The following DAB1 variants were observed in gnomAD, a reference collection of about 807,000 sequenced individuals.
DAB1 encodes the protein disabled homolog 1.
A neutral mutation model predicts 64.6 loss-of-function variants in DAB1; 15 were observed. The observed-to-expected ratio is 0.23, with a 90% CI of 0.16 to 0.36. The LOEUF (loss-of-function observed/expected upper bound fraction) is 0.36, where lower values mean the gene tolerates loss of function less well. Among genes scored for constraint, DAB1 ranks in the 10% least tolerant of loss-of-function variants. The probability of loss-of-function intolerance (pLI) is 1.00; values close to 1 mark genes in which losing one functional copy is unlikely to be tolerated. For missense variants in DAB1, 596 were observed against 706.7 expected (o/e 0.84, Z 1.78); for synonymous variants, 235 against 251.9 (o/e 0.93, Z 0.64).
At chr1:57,983,512 T>C (rs899338871) in intron 5 of DAB1, among the ~76,000 whole-genome samples, 22 of 152,084 alleles carry the variant, frequency 1.4e-4, no homozygotes, top group Admixed American at 1.4e-3. Flanking sequence ...AGGACCCACA[T>C]GAATGCTAAA....
At chr1:57,356,143 T>C (rs1002303481) in intron 1 of DAB1, among the ~76,000 whole-genome samples, 1 of 152,102 alleles carries the variant, frequency 6.6e-6, no homozygotes, top group Non-Finnish European at 1.5e-5. Flanking sequence ...GTTTAGCACA[T>C]AGTAGTCAGT....
chr1:57,486,630 T>G (rs1644095087), intron 7 of DAB1, among the ~76,000 whole-genome samples: 1 of 152,160 alleles, frequency 6.6e-6, no homozygotes, highest in African/African-American at 2.4e-5. Flanking sequence ...GAGATATATG[T>G]TTTTTTAGTT....
chr1:57,359,062 C>T (rs1679346599), intron 1 of DAB1, among the ~76,000 whole-genome samples: 1 of 151,950 alleles, frequency 6.6e-6, no homozygotes, highest in Admixed American at 6.6e-5. Flanking sequence ...TGGATAAGAT[C>T]TCAAGAGCAT....
chr1:58,421,921 C>A (rs749684425), intron 3 of DAB1, among the ~76,000 whole-genome samples: 1 of 152,064 alleles, frequency 6.6e-6, no homozygotes, highest in African/African-American at 2.4e-5. Context: ...CAGCCACTTA[C>A]TAGGCACATG....
At chr1:57,072,223 C>T (rs1340491515) in intron 5 of DAB1, 60 bp downstream of exon 5, 3 of 1,595,756 alleles carry the variant, frequency 1.9e-6, no homozygotes, top group African/African-American at 2.7e-5. Context: ...CCAACGGAGT[C>T]ACTGGACTGT....
intron 9 of DAB1, among the ~76,000 whole-genome samples, chr1:57,028,571 A>G (rs1646865133): frequency 6.6e-6 from 1 of 152,198 alleles, no homozygotes; most frequent in Admixed American, 6.5e-5. Flanking sequence ...AATGTGAGAA[A>G]GTTTGGAACT....
At chr1:58,542,182 C>T (rs1307422288) in intron 1 of DAB1, among the ~76,000 whole-genome samples, 1 of 152,134 alleles carries the variant, frequency 6.6e-6, no homozygotes, top group African/African-American at 2.4e-5. Context: ...TGAAATACAA[C>T]CAATTTTAAA....
chr1:57,153,646 GT>G (rs1659919887), intron 2 of DAB1, among the ~76,000 whole-genome samples: 1 of 151,100 alleles, frequency 6.6e-6, no homozygotes, highest in African/African-American at 2.4e-5. Flanking sequence ...TTGTTTGTTT[GT>G]TTGTTTTTGA....
chr1:57,679,981 T>A (rs899240507), intron 6 of DAB1, among the ~76,000 whole-genome samples: 2 of 152,200 alleles, frequency 1.3e-5, no homozygotes, highest in African/African-American at 4.8e-5. Flanking sequence ...ACATAGCTTG[T>A]AAATAGGTGA....
At chr1:57,416,149 T>C (rs1684475471) in intron 1 of DAB1, among the ~76,000 whole-genome samples, 1 of 152,192 alleles carries the variant, frequency 6.6e-6, no homozygotes, top group Non-Finnish European at 1.5e-5. Context: ...CCATTCACTC[T>C]ACATGTTGAC....
At chr1:58,126,347 C>A (rs1464510661) in intron 5 of DAB1, among the ~76,000 whole-genome samples, 2 of 152,160 alleles carry the variant, frequency 1.3e-5, no homozygotes, top group African/African-American at 2.4e-5. Context: ...TAGGGGGAAA[C>A]CCTTTGAGGC....
chr1:57,415,451 T>C (rs1011926865), intron 1 of DAB1, among the ~76,000 whole-genome samples: 1 of 152,172 alleles, frequency 6.6e-6, no homozygotes, highest in African/African-American at 2.4e-5. Context: ...ATTGATAAAT[T>C]CAACTACGTT....
chr1:57,031,553 C>T (rs1348179020), intron 9 of DAB1, among the ~76,000 whole-genome samples: 2 of 152,224 alleles, frequency 1.3e-5, no homozygotes, highest in Non-Finnish European at 2.9e-5. Flanking sequence ...CACAGATGAA[C>T]TAGCTGAGGC....
chr1:57,766,361 C>T (rs529925431), intron 6 of DAB1, among the ~76,000 whole-genome samples: 1 of 151,866 alleles, frequency 6.6e-6, no homozygotes, highest in African/African-American at 2.4e-5. Flanking sequence ...CCCTTGATTT[C>T]TTCTTATCTC....
intron 6 of DAB1, among the ~76,000 whole-genome samples, chr1:57,751,246 G>A (rs1281877314): frequency 2.0e-5 from 3 of 152,124 alleles, no homozygotes; most frequent in South Asian, 4.1e-4. Context: ...ACTAGGAACT[G>A]TGAAGGGCAT....
intron 9 of DAB1, among the ~76,000 whole-genome samples, chr1:57,048,464 A>G (rs1371004174): frequency 1.3e-5 from 2 of 152,232 alleles, no homozygotes; most frequent in Non-Finnish European, 2.9e-5. Flanking sequence ...ACAGCCTCCC[A>G]GAGAGCGGTC....
intron 4 of DAB1, among the ~76,000 whole-genome samples, chr1:58,167,737 C>G (rs1010243002): frequency 6.6e-6 from 1 of 152,162 alleles, no homozygotes; most frequent in African/African-American, 2.4e-5. Context: ...ACGAACCCAC[C>G]AGGAGGAATA....
At chr1:58,034,998 A>G (rs1331341643) in intron 5 of DAB1, among the ~76,000 whole-genome samples, 2 of 152,218 alleles carry the variant, frequency 1.3e-5, no homozygotes, top group Non-Finnish European at 2.9e-5. Context: ...ATGTAGCAGA[A>G]GTAACACCCT....
At chr1:57,216,755 G>T (rs554647490) in intron 2 of DAB1, among the ~76,000 whole-genome samples, 2 of 152,176 alleles carry the variant, frequency 1.3e-5, no homozygotes, top group African/African-American at 4.8e-5. Flanking sequence ...TCCTTGCAAG[G>T]TAACCTTGCA....
Sources: allele counts gnomAD v4.1 joint callset (sites outside exome capture counted in the v4.1 genomes callset), GRCh38; gene constraint gnomAD v4.1.1; transcripts MANE v1.5; gene names NCBI Gene and HGNC (gene_info 2026-07-23, HGNC 2026-07-21).